The following LTBP1 variants were observed in gnomAD, a reference collection of about 807,000 sequenced individuals.
LTBP1 encodes latent transforming growth factor beta binding protein 1.
LTBP1 carries 129 observed loss-of-function variants against 207.6 expected under a neutral mutation model. That is an observed-to-expected ratio of 0.62 (90% CI 0.54 to 0.72). LTBP1 has a LOEUF of 0.72. LTBP1 is among the 30% of genes least tolerant of loss of function. LTBP1 has a pLI of 0.00. For synonymous variants in LTBP1, 963 were observed against 833.7 expected (o/e 1.16, Z -2.67); for missense variants, 2,281 against 2,217.2 (o/e 1.03, Z -0.58).
At chr2:33,209,635 G>A (rs552925690) in intron 7 of LTBP1, among the ~76,000 whole-genome samples, 1 of 152,274 alleles carries the variant, frequency 6.6e-6, no homozygotes, top group East Asian at 1.9e-4. Flanking sequence ...TTTTTAGCAA[G>A]GTCTTAAGAA....
Position 33,398,641 on chromosome 2 carries a change from G to A in LTBP1, c.*96G>A, listed in dbSNP as rs1463808663. ...TTGAGACATTGCACCTACCCCGGAA[G>A]GCTGGAAATACAGAAACAGCATGGA... is the stretch of plus-strand genomic sequence containing the variant. On this transcript the variant is annotated 3_prime_UTR_variant, in exon 34 of 34. Coordinates refer to ENST00000404816, the MANE Select transcript of LTBP1 (RefSeq NM_206943.4). 7.3e-6 allele frequency: 9 copies of A among 1,240,590 alleles called. No individual in the cohort carries two copies. Among genetic ancestry groups the A allele is most frequent in the Non-Finnish European group, 7.7e-6 (7 of 911,152 alleles). 76.8% of individuals were successfully genotyped at this position (1,240,590 alleles called of 1,614,324 possible). A position where few individuals can be genotyped will look rare whatever the true frequency, so the allele number is the denominator to read the frequency against.
intron 11 of LTBP1, among the ~76,000 whole-genome samples, chr2:33,255,536 T>C (rs1443587055): frequency 6.6e-6 from 1 of 152,164 alleles, no homozygotes; most frequent in African/African-American, 2.4e-5. Flanking sequence ...TGCACACGTA[T>C]GTTTATTGCG....
At chr2:33,307,229 T>G (rs1463311) in intron 22 of LTBP1, among the ~76,000 whole-genome samples, 125,493 of 152,216 alleles carry the variant, frequency 0.82, 52,096 homozygotes, top group African/African-American at 0.87. Context: ...GATAACAGTT[T>G]TTCAAAACTT....
intron 24 of LTBP1, among the ~76,000 whole-genome samples, chr2:33,318,145 C>CA (rs1045008847): frequency 9.2e-5 from 14 of 151,880 alleles, no homozygotes; most frequent in African/African-American, 1.9e-4. Context: ...CACCACCCCC[C>CA]AAAAAAAATC....
chr2:33,379,458 C>G lies in LTBP1; in HGVS notation c.4712-9726C>G, dbSNP rs373168002. Among the ~76,000 whole-genome samples the G allele has an allele frequency of 4.2e-4, 64 of 152,250 alleles. No homozygotes were observed. In the South Asian group the frequency reaches 0.012, roughly 28 times the overall value. ...TCTCCTGACGTTGTGATCCACCCAC[C>G]TCGGCCTCCCAAAGTGCTGGGATTC... On this transcript the variant is annotated intron_variant, in intron 31 of 33. Coordinates refer to ENST00000404816, the MANE Select transcript of LTBP1 (RefSeq NM_206943.4).
chr2:33,283,926 A>G (rs1433310537), intron 19 of LTBP1, among the ~76,000 whole-genome samples: 4 of 152,352 alleles, frequency 2.6e-5, no homozygotes, highest in Admixed American at 6.5e-5. Context: ...AACATGTACA[A>G]TGTTTTATAT....
At chr2:33,161,185 C>A (rs930602472) in intron 5 of LTBP1, among the ~76,000 whole-genome samples, 1 of 151,936 alleles carries the variant, frequency 6.6e-6, no homozygotes, top group Middle Eastern at 3.4e-3. Flanking sequence ...AGCTATAATA[C>A]CCTGTAAAAT....
At chr2:33,177,376 G>A (rs898688360) in intron 5 of LTBP1, among the ~76,000 whole-genome samples, 17 of 152,298 alleles carry the variant, frequency 1.1e-4, no homozygotes, top group Admixed American at 3.3e-4. Context: ...AAGGCTGAGC[G>A]TGGTGGCTCA....
At chr2:33,326,744 C>T (rs1430527278) in intron 24 of LTBP1, among the ~76,000 whole-genome samples, 5 of 151,888 alleles carry the variant, frequency 3.3e-5, no homozygotes, top group South Asian at 2.1e-4. Flanking sequence ...TTGCCGCCTC[C>T]GCCTCCTGGG....
rs567139919 is a variant in LTBP1 at position 33,339,584 on chromosome 2, C to T, written c.3731-3254C>T. ...CAATCAGAACAGATTTATTGAGTGT[C>T]TTTTTTGTGTTTACTGTTGTAAGGG... On this transcript the variant is annotated intron_variant, in intron 24 of 33. Transcript: ENST00000404816. 2.3e-4 allele frequency among the ~76,000 whole-genome samples: 35 copies of T among 151,742 alleles called. No individual in the cohort carries two copies. In the East Asian group the frequency reaches 5.0e-3, roughly 22 times the overall value.
intron 3 of LTBP1, 57 bp downstream of exon 3, chr2:33,021,263 C>T: frequency 6.8e-7 from 1 of 1,470,740 alleles, no homozygotes; most frequent in South Asian, 1.4e-5. Context: ...CTCTTGGATG[C>T]CTTGCTTTAA....
intron 22 of LTBP1, among the ~76,000 whole-genome samples, chr2:33,308,174 A>G (rs890067992): frequency 2.0e-5 from 3 of 152,220 alleles, no homozygotes; most frequent in Admixed American, 2.0e-4. Flanking sequence ...GGAGTACATT[A>G]GGAATAATGT....
chr2:33,164,656 A>T (rs987202410), intron 5 of LTBP1, among the ~76,000 whole-genome samples: 1 of 152,190 alleles, frequency 6.6e-6, no homozygotes, highest in African/African-American at 2.4e-5. Flanking sequence ...ACTGGGAAAA[A>T]TACTCTTAAT....
rs1393970124 is a variant in LTBP1, at chr2:33,283,055, C to G, written c.3112+2897C>G. Among the ~76,000 whole-genome samples, 7 of 132,494 alleles carry G rather than the reference C, an allele frequency of 5.3e-5. No individual in the cohort carries two copies. The South Asian group carries it at 1.0e-3, about 19-fold the overall frequency. The allele number at this position is 132,494 out of a possible 152,430, so 86.9% of individuals were successfully genotyped here. A position where few individuals can be genotyped will look rare whatever the true frequency, so the allele number is the denominator to read the frequency against. On this transcript the variant is annotated intron_variant, in intron 19 of 33. Transcript: ENST00000404816. ...TCCAGCCTGGCGACAGAGCAAGACTCCATCTCAAAAAAAAAAAAAAAAAAA... is the reference window on the plus strand; with the variant it reads ...TCCAGCCTGGCGACAGAGCAAGACTGCATCTCAAAAAAAAAAAAAAAAAAA...
chr2:33,130,104 T>C (rs935141814), intron 4 of LTBP1, among the ~76,000 whole-genome samples: 1 of 152,228 alleles, frequency 6.6e-6, no homozygotes, highest in East Asian at 1.9e-4. Context: ...CTAAGCATTA[T>C]TTAATATTTT....
intron 8 of LTBP1, among the ~76,000 whole-genome samples, chr2:33,219,373 C>T (rs1430802746): frequency 6.6e-6 from 1 of 152,122 alleles, no homozygotes; most frequent in Non-Finnish European, 1.5e-5. Context: ...ATTATTTTGG[C>T]AACCTGACCA....
intron 4 of LTBP1, among the ~76,000 whole-genome samples, chr2:33,126,245 A>C (rs1305902942): frequency 6.6e-6 from 1 of 151,922 alleles, no homozygotes; most frequent in Admixed American, 6.6e-5. Context: ...TTATTTATTT[A>C]TTTTTTAGAA....
intron 15 of LTBP1, among the ~76,000 whole-genome samples, chr2:33,272,642 C>T (rs1248572421): frequency 6.6e-6 from 1 of 152,154 alleles, no homozygotes; most frequent in African/African-American, 2.4e-5. Flanking sequence ...TTCCATTTTA[C>T]ACATGTAGAA....
At chr2:33,357,609 GA>G (rs1559062699) in intron 26 of LTBP1, among the ~76,000 whole-genome samples, 2 of 152,022 alleles carry the variant, frequency 1.3e-5, no homozygotes. Flanking sequence ...AGTTCCTACA[GA>G]AAAAAACATA....
Sources: allele counts gnomAD v4.1 joint callset (sites outside exome capture counted in the v4.1 genomes callset), GRCh38; gene constraint gnomAD v4.1.1; transcripts MANE v1.5; gene names NCBI Gene and HGNC (gene_info 2026-07-23, HGNC 2026-07-21).